FAM107B: variants seen among roughly 807,000 people sequenced by gnomAD.
FAM107B encodes protein FAM107B.
FAM107B carries 21 observed loss-of-function variants against 31.5 expected under a neutral mutation model. That is an observed-to-expected ratio of 0.67 (90% confidence interval 0.47 to 0.96). The LOEUF (loss-of-function observed/expected upper bound fraction) is 0.96. Ranked by LOEUF, FAM107B falls within the 40% of genes least tolerant of loss-of-function variation. FAM107B has a pLI of 0.00. For synonymous variants in FAM107B, 157 were observed against 141.5 expected (o/e 1.11, Z -0.78); for missense variants, 452 against 377.1 (o/e 1.20, Z -1.64).
intron 1 of FAM107B, among the ~76,000 whole-genome samples, chr10:14,737,554 CA>C (rs1183311197): frequency 6.6e-6 from 1 of 152,086 alleles, no homozygotes; most frequent in Non-Finnish European, 1.5e-5. Context: ...AAGGAGGTTG[CA>C]GTGAGCTGGG....
At chr10:14,760,359 C>T (rs1439804372) in intron 1 of FAM107B, among the ~76,000 whole-genome samples, 1 of 152,126 alleles carries the variant, frequency 6.6e-6, no homozygotes, top group African/African-American at 2.4e-5. Context: ...TTTATGACTG[C>T]AGTACTATAT....
chr10:14,650,895 A>G (rs1465344310), intron 2 of FAM107B, among the ~76,000 whole-genome samples: 2 of 152,190 alleles, frequency 1.3e-5, no homozygotes, highest in Non-Finnish European at 1.5e-5. Flanking sequence ...CTCTACTCCA[A>G]TTTTAGGATA....
intron 2 of FAM107B, among the ~76,000 whole-genome samples, chr10:14,607,873 G>A (rs1037623371): frequency 3.3e-5 from 5 of 152,032 alleles, no homozygotes; most frequent in Non-Finnish European, 7.4e-5. Context: ...TTGCATTACT[G>A]GAAAACATAC....
At chr10:14,659,169 G>A (rs535111034) in intron 2 of FAM107B, among the ~76,000 whole-genome samples, 45 of 151,540 alleles carry the variant, frequency 3.0e-4, no homozygotes, top group African/African-American at 7.0e-4. Context: ...GGCTGGGCAC[G>A]GTGGCTCACA....
At chr10:14,558,296 C>T (rs1019794405) in intron 2 of FAM107B, among the ~76,000 whole-genome samples, 15 of 148,920 alleles carry the variant, frequency 1.0e-4, no homozygotes, top group South Asian at 4.2e-4. Context: ...CACACATACA[C>T]GCACACACGC....
At chr10:14,583,934 T>C (rs555988728) in intron 2 of FAM107B, among the ~76,000 whole-genome samples, 1 of 152,322 alleles carries the variant, frequency 6.6e-6, no homozygotes, top group South Asian at 2.1e-4. Context: ...CCGTTGTTCA[T>C]AGGAGTGTTT....
intron 2 of FAM107B, among the ~76,000 whole-genome samples, chr10:14,619,708 T>A (rs1037941243): frequency 3.1e-4 from 32 of 104,604 alleles, no homozygotes; most frequent in South Asian, 3.5e-4. Context: ...GTGTCCTAGC[T>A]AAAAAAAAAA....
chr10:14,724,406 T>C lies in FAM107B; in HGVS notation c.411+49847A>G, dbSNP rs140060696. Among the ~76,000 whole-genome samples, 525 of 152,310 alleles carry C rather than the reference T, an allele frequency of 3.4e-3. 12 individuals carry two copies. The East Asian group carries it at 0.046, about 13-fold the overall frequency. ...GTTGGAATCCTTGTCAAAAGCCAAT[T>C]GACTGTAAGTAAAGGGTTTATTTCT... On this transcript the variant is annotated intron_variant, in intron 1 of 4. Coordinates refer to ENST00000181796, the MANE Select transcript of FAM107B (RefSeq NM_031453.4).
At chr10:14,735,813 C>T (rs1243898252) in intron 1 of FAM107B, among the ~76,000 whole-genome samples, 5 of 152,050 alleles carry the variant, frequency 3.3e-5, no homozygotes, top group East Asian at 1.9e-4. Context: ...GTCTACACTC[C>T]GTCTCTAGGA....
chr10:14,710,002 TAC>T (rs1855605098), intron 1 of FAM107B, among the ~76,000 whole-genome samples: 1 of 152,182 alleles, frequency 6.6e-6, no homozygotes, highest in Admixed American at 6.5e-5. Context: ...TAATGGTAGA[TAC>T]ATATAGTTAG....
chr10:14,632,673 C>G (rs937817496), intron 2 of FAM107B, among the ~76,000 whole-genome samples: 10 of 151,036 alleles, frequency 6.6e-5, no homozygotes, highest in African/African-American at 1.5e-4. Context: ...GTAAAGAAAC[C>G]CAAAAGAAAG....
At chr10:14,606,099 A>G (rs1275145589) in intron 2 of FAM107B, among the ~76,000 whole-genome samples, 1 of 152,142 alleles carries the variant, frequency 6.6e-6, no homozygotes, top group Non-Finnish European at 1.5e-5. Flanking sequence ...TTCCTGCTAC[A>G]TGATCAAGTC....
chr10:14,561,988 G>C (rs1850282137), intron 2 of FAM107B, among the ~76,000 whole-genome samples: 1 of 152,182 alleles, frequency 6.6e-6, no homozygotes, highest in African/African-American at 2.4e-5. Context: ...GTTGCACCAT[G>C]TTGGCCAGGC....
At chr10:14,747,929 C>T (rs146405669) in intron 1 of FAM107B, among the ~76,000 whole-genome samples, 8 of 152,326 alleles carry the variant, frequency 5.3e-5, no homozygotes, top group African/African-American at 1.9e-4. Flanking sequence ...CTCTGCCTGT[C>T]CCTCCATCCC....
intron 1 of FAM107B, among the ~76,000 whole-genome samples, chr10:14,767,013 C>A (rs1833176087): frequency 1.3e-5 from 1 of 74,226 alleles, no homozygotes; most frequent in African/African-American, 4.1e-5. Context: ...AACAATATCC[C>A]TGATGTGTAT....
chr10:14,638,068 G>A (rs929409240), intron 2 of FAM107B, among the ~76,000 whole-genome samples: 4 of 152,126 alleles, frequency 2.6e-5, no homozygotes, highest in Admixed American at 6.5e-5. Flanking sequence ...CATAGCCAAG[G>A]ATAACTAATA....
intron 2 of FAM107B, among the ~76,000 whole-genome samples, chr10:14,635,909 G>A (rs1853486604): frequency 6.6e-6 from 1 of 152,116 alleles, no homozygotes; most frequent in Admixed American, 6.5e-5. Flanking sequence ...TGAGATTACA[G>A]GCATGAGCCA....
chr10:14,675,657 T>C (rs1854664315), intron 1 of FAM107B, among the ~76,000 whole-genome samples: 1 of 152,222 alleles, frequency 6.6e-6, no homozygotes, highest in Admixed American at 6.5e-5. Context: ...TCAGATTCTT[T>C]CTATTAGGAG....
At chr10:14,583,610 A>G (rs373218056) in intron 2 of FAM107B, among the ~76,000 whole-genome samples, 20 of 151,930 alleles carry the variant, frequency 1.3e-4, no homozygotes, top group Admixed American at 3.9e-4. Flanking sequence ...ACATCACCCC[A>G]CCCCAGTCCT....
Sources: gnomAD v4.1 joint callset for allele counts (sites outside exome capture counted in the v4.1 genomes callset) on GRCh38, gnomAD v4.1.1 for gene constraint, MANE v1.5 for transcripts, NCBI Gene and HGNC (gene_info 2026-07-23, HGNC 2026-07-21) for gene names.